The following PRKN variants were observed in gnomAD, a reference collection of about 807,000 sequenced individuals.
The protein encoded by PRKN is parkin RBR E3 ubiquitin protein ligase, also known as E3 ubiquitin-protein ligase parkin.
Under a neutral mutation model 59.5 loss-of-function variants are expected in PRKN, and 56 were observed. That is an observed-to-expected ratio of 0.94 (90% confidence interval 0.76 to 1.18). PRKN has a LOEUF of 1.18. Ranked by LOEUF, PRKN falls within the 50% of genes most tolerant of loss-of-function variation. The pLI, the probability that PRKN is intolerant of heterozygous loss-of-function variation, is 0.00. For missense variants in PRKN, 657 were observed against 596.4 expected, an observed-to-expected ratio of 1.10 and a Z score of -1.06; for synonymous variants, 250 against 222.1, an observed-to-expected ratio of 1.13 and a Z score of -1.12.
chr6:162,710,415 A>ACACACACACACACACACACACAC (rs35854882), intron 1 of PRKN, among the ~76,000 whole-genome samples: 12 of 144,522 alleles, frequency 8.3e-5, no homozygotes, highest in East Asian at 4.1e-4. Context: ...ACACACACAC[A>ACACACACACACACACACACACAC]ACTGTTTGGT....
intron 2 of PRKN, among the ~76,000 whole-genome samples, chr6:162,437,208 CAATTA>C (rs1489841835): frequency 2.6e-5 from 4 of 152,122 alleles, no homozygotes; most frequent in Non-Finnish European, 5.9e-5. Context: ...GTCTGCTAAT[CAATTA>C]AATTATTTTT....
intron 9 of PRKN, among the ~76,000 whole-genome samples, chr6:161,534,602 T>C (rs1167077250): frequency 1.3e-5 from 2 of 152,218 alleles, no homozygotes; most frequent in Non-Finnish European, 2.9e-5. Context: ...GACATTCCCC[T>C]GCACAGTTAC....
intron 6 of PRKN, among the ~76,000 whole-genome samples, chr6:161,870,535 T>C (rs1026860707): frequency 1.3e-5 from 2 of 152,186 alleles, no homozygotes; most frequent in Admixed American, 1.3e-4. Context: ...TTTGTTGGCA[T>C]GAGTCAGAGT....
intron 5 of PRKN, among the ~76,000 whole-genome samples, chr6:162,031,240 T>G (rs1338565043): frequency 6.8e-6 from 1 of 147,998 alleles, no homozygotes; most frequent in Non-Finnish European, 1.5e-5. Context: ...GGGCACCTAT[T>G]TTTTTTTTTT....
rs180871196 is a variant in PRKN at position 162,281,812 on chromosome 6, G to T, written c.172-19047C>A. Among the ~76,000 whole-genome samples the T allele has an allele frequency of 4.8e-3, 736 of 152,278 alleles. 8 individuals carry two copies. The highest frequency in any genetic ancestry group is 9.1e-3 in the Admixed American group (139 of 15,288). On this transcript the variant is annotated intron_variant, in intron 2 of 11. Transcript: ENST00000366898. ...AAATCCAGTTATGCAGTCTACAGCAGCAGTCCTGAATCTTTTTGGCACCAG... is the reference window on the plus strand; with the variant it reads ...AAATCCAGTTATGCAGTCTACAGCATCAGTCCTGAATCTTTTTGGCACCAG...
chr6:162,312,618 A>G (rs1399027385), intron 2 of PRKN, among the ~76,000 whole-genome samples: 3 of 152,156 alleles, frequency 2.0e-5, no homozygotes, highest in Non-Finnish European at 4.4e-5. Context: ...ACACACCTCT[A>G]ACATTCCCAG....
chr6:161,801,156 G>T (rs1791059537), intron 6 of PRKN, among the ~76,000 whole-genome samples: 1 of 152,180 alleles, frequency 6.6e-6, no homozygotes, highest in Non-Finnish European at 1.5e-5. Flanking sequence ...GACGGAGCAG[G>T]CACCAGAGCC....
intron 7 of PRKN, among the ~76,000 whole-genome samples, chr6:161,626,366 G>A (rs748608382): frequency 1.3e-5 from 2 of 152,204 alleles, no homozygotes; most frequent in Admixed American, 6.5e-5. Context: ...CCACCCATGT[G>A]TACACGAACA....
Position 161,562,777 on chromosome 6 carries a change from G to T in PRKN, c.933+6578C>A, listed in dbSNP as rs573781496. Among the ~76,000 whole-genome samples the T allele has an allele frequency of 2.6e-5, 4 of 152,274 alleles. No homozygotes were observed. Among genetic ancestry groups the T allele is most frequent in the African/African-American group, 9.6e-5 (4 of 41,554 alleles). ...CAAGTCCTTGAATTCTGCCTCTCAAGATTCACTTCTTTTTGTCTCCGCTGC... is the reference window on the plus strand; with the variant it reads ...CAAGTCCTTGAATTCTGCCTCTCAATATTCACTTCTTTTTGTCTCCGCTGC... On this transcript the variant is annotated intron_variant, in intron 8 of 11. Transcript: ENST00000366898. This position sits in a 1 kb window ranked among gnomAD's most constrained non-coding sequence, Gnocchi z 4.3.
At chr6:162,478,091 C>T (rs1208051338) in intron 1 of PRKN, among the ~76,000 whole-genome samples, 1 of 152,128 alleles carries the variant, frequency 6.6e-6, no homozygotes, top group African/African-American at 2.4e-5. Flanking sequence ...TCCCCTAGTA[C>T]CTACCACAGT....
At chr6:162,014,501 C>T (rs1045147829) in intron 5 of PRKN, among the ~76,000 whole-genome samples, 3 of 152,176 alleles carry the variant, frequency 2.0e-5, no homozygotes, top group Admixed American at 2.0e-4. Context: ...CACCTGGCCA[C>T]AGGGTCCATA....
At chr6:162,385,436 T>A (rs1023661844) in intron 2 of PRKN, among the ~76,000 whole-genome samples, 9 of 152,218 alleles carry the variant, frequency 5.9e-5, no homozygotes, top group Non-Finnish European at 1.0e-4. Context: ...ACCAACCTGA[T>A]AATATCATTA....
intron 6 of PRKN, among the ~76,000 whole-genome samples, chr6:161,944,058 TCAGCCTGAGGGATCAGCCTGAGGGAC>T (rs1562407660): frequency 7.5e-6 from 1 of 133,370 alleles, no homozygotes; most frequent in Non-Finnish European, 1.6e-5. Context: ...GCCTGAGGGA[TCAGCCTGAGGGATCAGCCTGAGGGAC>T]CAGCCTGAGG....
At chr6:162,285,463 A>G (rs1339298318) in intron 2 of PRKN, among the ~76,000 whole-genome samples, 1 of 152,006 alleles carries the variant, frequency 6.6e-6, no homozygotes, top group Admixed American at 6.6e-5. Context: ...ATGTAGGATG[A>G]CATGGGGTTA....
At chr6:161,979,150 C>T (rs1023233731) in intron 5 of PRKN, among the ~76,000 whole-genome samples, 2 of 151,846 alleles carry the variant, frequency 1.3e-5, no homozygotes, top group Non-Finnish European at 2.9e-5. Flanking sequence ...CAGCAAATGG[C>T]CAGTTTTTTG....
chr6:161,535,034 C>T (rs1376925606), intron 9 of PRKN, among the ~76,000 whole-genome samples: 1 of 152,242 alleles, frequency 6.6e-6, no homozygotes, highest in African/African-American at 2.4e-5. Flanking sequence ...GTCTGTGGTA[C>T]ATGTGGTTCT....
At chr6:162,170,426 G>A (rs1168776886) in intron 4 of PRKN, among the ~76,000 whole-genome samples, 3 of 151,940 alleles carry the variant, frequency 2.0e-5, no homozygotes, top group Non-Finnish European at 4.4e-5. Context: ...ACTTTAATTT[G>A]AACATTATCC....
At chr6:162,193,968 C>T (rs1583180099) in intron 4 of PRKN, among the ~76,000 whole-genome samples, 1 of 152,098 alleles carries the variant, frequency 6.6e-6, no homozygotes, top group Non-Finnish European at 1.5e-5. Context: ...TACAGAAGAT[C>T]CTAAAAGCTG....
chr6:162,277,448 G>A (rs1475435031), intron 2 of PRKN, among the ~76,000 whole-genome samples: 1 of 152,124 alleles, frequency 6.6e-6, no homozygotes, highest in Non-Finnish European at 1.5e-5. Flanking sequence ...TTTTGAAGGT[G>A]CAAATTAGGT....
Sources: gnomAD v4.1 joint callset for allele counts (sites outside exome capture counted in the v4.1 genomes callset) on GRCh38, gnomAD v4.1.1 for gene constraint, Gnocchi (gnomAD v3.1) non-coding constraint, MANE v1.5 for transcripts, NCBI Gene and HGNC (gene_info 2026-07-23, HGNC 2026-07-21) for gene names.